Variants in PTPRN2 observed in about 807,000 individuals in gnomAD.
The protein encoded by PTPRN2 is protein tyrosine phosphatase receptor type N2.
Under a neutral mutation model 118.8 loss-of-function variants are expected in PTPRN2, and 74 were observed. That is an observed-to-expected ratio of 0.62 (90% CI 0.52 to 0.76). PTPRN2 has a LOEUF of 0.76. Ranked by LOEUF, PTPRN2 falls within the 30% of genes least tolerant of loss-of-function variation. The probability of loss-of-function intolerance (pLI) is 0.00; values close to 1 mark genes in which losing one functional copy is unlikely to be tolerated. For missense variants in PTPRN2, 1,481 were observed against 1,394.4 expected (o/e 1.06, Z -0.99); for synonymous variants, 641 against 608.0 (o/e 1.05, Z -0.80).
At position 157,784,146 on chromosome 7, in the gene PTPRN2, T is replaced by C. The variant is rs968928957; in HGVS notation, c.1789-101209A>G. 2.6e-5 allele frequency among the ~76,000 whole-genome samples: 4 copies of C among 152,106 alleles called. No individual in the cohort carries two copies. The highest frequency in any genetic ancestry group is 5.9e-5 in the Non-Finnish European group (4 of 68,020). On this transcript the variant is annotated intron_variant, in intron 12 of 22. Transcript: ENST00000389418. This position sits in a 1 kb window ranked among gnomAD's most constrained non-coding sequence, Gnocchi z 4.6. ...AGGGACTATTCCTAAATTCTGCTTG[T>C]GGGCAGGGCACAGGCAGCTCAACGT...
chr7:158,279,419 C>A (rs540364044), intron 3 of PTPRN2, among the ~76,000 whole-genome samples: 66 of 152,278 alleles, frequency 4.3e-4, no homozygotes, highest in Non-Finnish European at 8.7e-4. Context: ...CTCACTGGTA[C>A]TCGCTGCAGG....
intron 21 of PTPRN2, 81 bp downstream of exon 21, chr7:157,568,821 C>T (rs564096944): frequency 2.1e-6 from 3 of 1,434,320 alleles, no homozygotes; most frequent in East Asian, 2.3e-5. Context: ...CAGGGCCTCC[C>T]GTGAACACGG....
chr7:158,428,781 C>CA (rs1815947019), intron 2 of PTPRN2, among the ~76,000 whole-genome samples: 1 of 152,088 alleles, frequency 6.6e-6, no homozygotes, highest in Non-Finnish European at 1.5e-5. Context: ...TGGGGAAGTT[C>CA]AGTCACCGTG....
intron 10 of PTPRN2, among the ~76,000 whole-genome samples, chr7:158,091,139 T>C (rs1415487080): frequency 6.6e-6 from 1 of 152,384 alleles, no homozygotes; most frequent in East Asian, 1.9e-4. Flanking sequence ...TAACACAGGC[T>C]TATTTGTATC....
chr7:157,872,235 T>A (rs1811117450), intron 12 of PTPRN2, among the ~76,000 whole-genome samples: 1 of 108,878 alleles, frequency 9.2e-6, no homozygotes, highest in Non-Finnish European at 1.8e-5. Context: ...ATACCCAGTG[T>A]CCTCCCCACA....
intron 3 of PTPRN2, among the ~76,000 whole-genome samples, chr7:158,306,651 C>T (rs1387585655): frequency 6.6e-6 from 1 of 152,160 alleles, no homozygotes; most frequent in Non-Finnish European, 1.5e-5. Flanking sequence ...ACAGCAACAA[C>T]AACAACAACA....
intron 8 of PTPRN2, 29 bp from the exon 9 acceptor site, chr7:158,134,088 G>A (rs367813114): frequency 1.8e-5 from 28 of 1,595,328 alleles, no homozygotes; most frequent in South Asian, 4.5e-5. Flanking sequence ...CGTGAGGGAC[G>A]TCTGCGAAAG....
intron 12 of PTPRN2, among the ~76,000 whole-genome samples, chr7:157,710,075 C>G (rs1798526720): frequency 1.3e-5 from 2 of 152,142 alleles, no homozygotes; most frequent in South Asian, 4.1e-4. Flanking sequence ...CAGAAGGGTG[C>G]TCGCCTGAGA....
chr7:157,612,382 AGCAGCGCAGATGAGTGTG>A (rs1178057288), intron 15 of PTPRN2, among the ~76,000 whole-genome samples: 4 of 152,144 alleles, frequency 2.6e-5, no homozygotes, highest in African/African-American at 9.7e-5. Context: ...CGTCTGTGCG[AGCAGCGCAGATGAGTGTG>A]GCGGCGGCAA....
intron 11 of PTPRN2, among the ~76,000 whole-genome samples, chr7:157,911,547 T>C (rs769697953): frequency 5.9e-5 from 9 of 152,190 alleles, no homozygotes; most frequent in Non-Finnish European, 1.3e-4. Flanking sequence ...AAAATATTAA[T>C]ATTTTATATT....
At chr7:157,662,745 C>T (rs1795953272) in intron 13 of PTPRN2, among the ~76,000 whole-genome samples, 1 of 152,176 alleles carries the variant, frequency 6.6e-6, no homozygotes, top group Admixed American at 6.5e-5. Context: ...GGCAGTGCTG[C>T]GGGCACAGCG....
chr7:158,204,433 T>A (rs1826961133), intron 4 of PTPRN2, among the ~76,000 whole-genome samples: 1 of 152,258 alleles, frequency 6.6e-6, no homozygotes, highest in Non-Finnish European at 1.5e-5. Flanking sequence ...GATATCTAAA[T>A]TTTGTGTTAC....
chr7:158,273,545 C>T (rs1191851339), intron 3 of PTPRN2, among the ~76,000 whole-genome samples: 3 of 105,112 alleles, frequency 2.9e-5, no homozygotes, highest in African/African-American at 4.3e-5. Flanking sequence ...CACGGGGAGC[C>T]GCAGACACAG....
intron 11 of PTPRN2, among the ~76,000 whole-genome samples, chr7:157,993,066 A>T (rs1258534942): frequency 6.6e-6 from 1 of 152,160 alleles, no homozygotes; most frequent in Non-Finnish European, 1.5e-5. Flanking sequence ...CCCACAGGCC[A>T]CGCTTCAGGA....
At chr7:157,586,254 G>C (rs550328641) in intron 17 of PTPRN2, among the ~76,000 whole-genome samples, 1 of 152,006 alleles carries the variant, frequency 6.6e-6, no homozygotes, top group Non-Finnish European at 1.5e-5. Context: ...ATCAAGTAAC[G>C]TGCCTTAAAA....
In PTPRN2 at chr7:157,977,041, A is replaced by G. The variant is rs370187843; in HGVS notation, c.1724-78304T>C. 2.3e-4 allele frequency among the ~76,000 whole-genome samples: 35 copies of G among 152,152 alleles called. No individual in the cohort carries two copies. Among genetic ancestry groups the G allele is most frequent in the African/African-American group, 8.4e-4 (35 of 41,556 alleles). ...AATTATGAAAAGCCATAAACACAGT[A>G]GTTTCCATGAAAAACTATGAGTAGG... On this transcript the variant is annotated intron_variant, in intron 11 of 22. Transcript: ENST00000389418. The surrounding 1 kb of genome is among the most constrained non-coding windows in gnomAD (Gnocchi z 4.6).
chr7:158,263,804 A>G (rs1586035760), intron 3 of PTPRN2, among the ~76,000 whole-genome samples: 1 of 152,192 alleles, frequency 6.6e-6, no homozygotes. Flanking sequence ...ACCTCCCTGC[A>G]TGGGACACTG....
At chr7:158,166,854 C>A in intron 6 of PTPRN2, 77 bp downstream of exon 6, 2 of 1,385,646 alleles carry the variant, frequency 1.4e-6, no homozygotes, top group Non-Finnish European at 1.9e-6. Flanking sequence ...GTGGGAAGAG[C>A]ATGGTGCGTC....
intron 4 of PTPRN2, among the ~76,000 whole-genome samples, chr7:158,203,990 G>A (rs1826888955): frequency 1.3e-5 from 2 of 151,976 alleles, no homozygotes; most frequent in South Asian, 2.1e-4. Context: ...CTCAGTGTGC[G>A]CCATGTTCTG....
Sources: allele counts gnomAD v4.1 joint callset (sites outside exome capture counted in the v4.1 genomes callset), GRCh38; gene constraint gnomAD v4.1.1; non-coding constraint Gnocchi (gnomAD v3.1); transcripts MANE v1.5; gene names NCBI Gene and HGNC (gene_info 2026-07-23, HGNC 2026-07-21).